The following MRPL15 variants were observed in gnomAD, a reference collection of about 807,000 sequenced individuals.
MRPL15 encodes the protein large ribosomal subunit protein uL15m.
MRPL15 carries 24 observed loss-of-function variants against 28.0 expected under a neutral mutation model. The ratio of observed to expected loss-of-function variants is 0.86; its 90% CI spans 0.62 to 1.21. MRPL15 has a LOEUF of 1.21. MRPL15 is among the 50% of genes most tolerant of loss of function. MRPL15 has a pLI of 0.00. For synonymous variants in MRPL15, 124 were observed against 137.0 expected, an observed-to-expected ratio of 0.90 and a Z score of 0.66; for missense variants, 343 against 372.4, an observed-to-expected ratio of 0.92 and a Z score of 0.65.
chr8:54,137,186 AAC>A (rs1810838700), intron 2 of MRPL15, 80 bp from the exon 3 acceptor site: 3 of 1,385,802 alleles, frequency 2.2e-6, no homozygotes, highest in South Asian at 2.7e-5. Context: ...GGTGGAGGAA[AAC>A]ACAAGACAAA....
intron 3 of MRPL15, among the ~76,000 whole-genome samples, chr8:54,140,551 G>A (rs1027166090): frequency 1.4e-5 from 2 of 145,434 alleles, no homozygotes; most frequent in African/African-American, 2.5e-5. Context: ...CACCGCACCC[G>A]GCCTAGAACT....
At chr8:54,141,976 G>C (rs1008116094) in intron 3 of MRPL15, among the ~76,000 whole-genome samples, 1 of 148,456 alleles carries the variant, frequency 6.7e-6, no homozygotes, top group East Asian at 2.0e-4. Flanking sequence ...CCTCAGCCTC[G>C]AAATAGCTGG....
Position 54,147,540 on chromosome 8 carries a change from A to G in MRPL15, c.712A>G (p.Arg238Gly), listed in dbSNP as rs1301815412. 8 of 1,614,086 alleles carry G rather than the reference A, an allele frequency of 5.0e-6. 1 individual carries two copies. The African/African-American group carries it at 5.3e-5, about 11-fold the overall frequency. Residue 238 changes from arginine to glycine, a missense_variant, in exon 5 of 5, where the codon AGG becomes GGG. Arg to Gly is a moderately radical substitution (Grantham distance 125). Transcript: ENST00000260102. ...KFPEARLELA[R>G]KYGYILPDIT... ...TCCTGAAGCACGACTTGAACTCGCC[A>G]GGAAGTATGGTTATATCTTACCTGA...
rs760185705 is a variant in MRPL15 at position 54,142,750 on chromosome 8, G to T, written c.517G>T (p.Val173Phe). 3.7e-6 allele frequency: 6 copies of T among 1,614,002 alleles called. No individual in the cohort carries two copies. Among genetic ancestry groups the T allele is most frequent in the Admixed American group, 3.3e-5 (2 of 59,978 alleles). Residue 173 changes from valine (V) to phenylalanine (F), a missense_variant, in exon 4 of 5, where the codon GTT becomes TTT. Transcript: ENST00000260102. ...AIAAIEKNGG[V>F]VTTAFYDPRS... Reference sequence around the variant, plus strand: ...TGCTGCCATTGAAAAAAATGGTGGTGTTGTTACTACAGCCTTCTATGATCC... The same window carrying T: ...TGCTGCCATTGAAAAAAATGGTGGTTTTGTTACTACAGCCTTCTATGATCC...
At chr8:54,136,459 C>A (rs967276283) in intron 1 of MRPL15, 52 bp from the exon 2 acceptor site, 1 of 1,570,954 alleles carries the variant, frequency 6.4e-7, no homozygotes, top group Non-Finnish European at 8.7e-7. Flanking sequence ...AGCTGAAATG[C>A]AGTTTTTAGA....
chr8:54,138,679 T>A (rs548201832), intron 3 of MRPL15, among the ~76,000 whole-genome samples: 6 of 152,204 alleles, frequency 3.9e-5, no homozygotes, highest in African/African-American at 1.2e-4. Context: ...GGAGTCACAG[T>A]GTTTCCTTTA....
At chr8:54,137,546 TC>T in intron 3 of MRPL15, 113 bp downstream of exon 3, 2 of 927,376 alleles carry the variant, frequency 2.2e-6, no homozygotes, top group Non-Finnish European at 3.2e-6. Context: ...TCCTGCAACC[TC>T]CACCTCACAA....
chr8:54,142,591 A>G lies in MRPL15; in HGVS notation c.430-72A>G, dbSNP rs1460505796. 8 of 1,555,370 alleles carry G rather than the reference A, an allele frequency of 5.1e-6. No individual in the cohort carries two copies. In the African/African-American group the frequency reaches 1.1e-4, roughly 21 times the overall value. On this transcript the variant is annotated intron_variant, in intron 3 of 4. Transcript: ENST00000260102. ...CTTTGGAGGGAAAAACACTGTCTAA[A>G]AAGGAAGCTTGACATAATTAATTTA...
At chr8:54,136,207 G>C (rs981287368) in intron 1 of MRPL15, among the ~76,000 whole-genome samples, 4 of 152,188 alleles carry the variant, frequency 2.6e-5, no homozygotes, top group Non-Finnish European at 5.9e-5. Flanking sequence ...AAAATGTTGT[G>C]AATATTTAAT....
rs1417353829 is a variant in MRPL15 at position 54,135,323 on chromosome 8, G to T, written c.40G>T (p.Asp14Tyr). Residue 14 changes from aspartate to tyrosine, a missense_variant, in exon 1 of 5, where the codon GAC (aspartate) becomes TAC (tyrosine). Coordinates refer to ENST00000260102, the MANE Select transcript of MRPL15 (RefSeq NM_014175.4). Reference sequence around the variant, plus strand: ...GCAGGGCGGTGGGGCCCGGGCCCTGGACCTACTCCGGGGCCTGCCGCGTGT... The same window carrying T: ...GCAGGGCGGTGGGGCCCGGGCCCTGTACCTACTCCGGGGCCTGCCGCGTGT... ...PLQGGGARAL[D>Y]LLRGLPRVSL... 3.4e-6 allele frequency: 5 copies of T among 1,480,248 alleles called. No individual in the cohort carries two copies. Among genetic ancestry groups the T allele is most frequent in the African/African-American group, 1.5e-5 (1 of 68,484 alleles). The allele number at this position is 1,480,248 out of a possible 1,614,324, so 91.7% of individuals were successfully genotyped here.
rs1458686259 is a variant in MRPL15, at chr8:54,136,516, A to G, written c.114A>G (p.Arg38=). ...ATTCTTTTTTTTCCTTGCAGGAGAG[A>G]AGACCAAGAGGTCGGAGAAGAGGTA... ...KPNPGSKKPE[R]RPRGRRRGRK... The change falls in exon 2 of 5, where the codon AGA becomes AGG. Residue 38 remains arginine, a synonymous_variant. Coordinates refer to ENST00000260102, the MANE Select transcript of MRPL15 (RefSeq NM_014175.4). 6.2e-7 allele frequency: 1 copy of G among 1,608,044 alleles called. No homozygotes were observed. The highest frequency in any genetic ancestry group is 8.5e-7 in the Non-Finnish European group (1 of 1,178,246).
At chr8:54,145,341 A>G (rs182054753) in intron 4 of MRPL15, among the ~76,000 whole-genome samples, 182 of 152,190 alleles carry the variant, frequency 1.2e-3, no homozygotes, top group Admixed American at 3.2e-3. Context: ...CAGCCTCATG[A>G]GTAGCTGGGA....
In MRPL15 at chr8:54,142,721, C is replaced by T; in HGVS notation, c.488C>T (p.Ala163Val). Residue 163 changes from alanine (A) to valine (V), a missense_variant, in exon 4 of 5, where the codon GCT becomes GTT. Ala to Val is a moderately conservative substitution (Grantham distance 64). Coordinates refer to ENST00000260102, the MANE Select transcript of MRPL15 (RefSeq NM_014175.4). The part of the protein sequence containing the change: ...NIEVQLASEL[A>V]IAAIEKNGGV... Reference sequence around the variant, plus strand: ...GAAGTACAGTTGGCTTCAGAACTAGCTATTGCTGCCATTGAAAAAAATGGT... The same window carrying T: ...GAAGTACAGTTGGCTTCAGAACTAGTTATTGCTGCCATTGAAAAAAATGGT... 1 of 1,614,050 alleles carries T rather than the reference C, an allele frequency of 6.2e-7. No homozygotes were observed. The highest frequency in any genetic ancestry group is 8.5e-7 in the Non-Finnish European group (1 of 1,179,912).
intron 3 of MRPL15, among the ~76,000 whole-genome samples, chr8:54,138,234 G>A (rs1365638198): frequency 2.0e-5 from 3 of 149,926 alleles, no homozygotes; most frequent in Non-Finnish European, 3.0e-5. Flanking sequence ...GATTACAGGC[G>A]TGAGCCACCG....
intron 4 of MRPL15, among the ~76,000 whole-genome samples, chr8:54,143,698 G>A (rs1460583782): frequency 6.6e-6 from 1 of 152,162 alleles, no homozygotes; most frequent in Non-Finnish European, 1.5e-5. Context: ...ACCTGCAGTG[G>A]TGTCCGTGCT....
In MRPL15 at chr8:54,147,487, G is replaced by A. The variant is rs767503797; in HGVS notation, c.659G>A (p.Arg220His). ...LVPYYTDAKN[R>H]GYLADPAKFP... ...CCATATTACACTGATGCAAAGAACCGTGGGTACCTGGCGGATCCTGCCAAA... is the reference window on the plus strand; with the variant it reads ...CCATATTACACTGATGCAAAGAACCATGGGTACCTGGCGGATCCTGCCAAA... Residue 220 changes from arginine to histidine, a missense_variant, in exon 5 of 5, where the codon CGT (arginine) becomes CAT (histidine). Coordinates refer to ENST00000260102, the MANE Select transcript of MRPL15 (RefSeq NM_014175.4). 26 of 1,614,012 alleles carry A rather than the reference G, an allele frequency of 1.6e-5. No individual in the cohort carries two copies. Among genetic ancestry groups the A allele is most frequent in the Non-Finnish European group, 1.9e-5 (23 of 1,180,038 alleles).
intron 1 of MRPL15, among the ~76,000 whole-genome samples, 161 bp downstream of exon 1, chr8:54,135,552 T>G (rs547293770): frequency 6.7e-6 from 1 of 148,336 alleles, no homozygotes; most frequent in East Asian, 2.0e-4. Flanking sequence ...AGGGGAATCT[T>G]TCCACGTGCA....
chr8:54,145,496 T>TC (rs1285940227), intron 4 of MRPL15, among the ~76,000 whole-genome samples: 1 of 151,890 alleles, frequency 6.6e-6, no homozygotes, highest in Admixed American at 6.6e-5. Context: ...TTTTTTTTTT[T>TC]CTTTTCATTT....
Position 54,137,330 on chromosome 8 carries a change from G to C in MRPL15, c.326G>C (p.Arg109Pro). 1.9e-6 allele frequency: 3 copies of C among 1,614,038 alleles called. No homozygotes were observed. Among genetic ancestry groups the C allele is most frequent in the Non-Finnish European group, 2.5e-6 (3 of 1,179,982 alleles). Residue 109 changes from arginine (R) to proline (P), a missense_variant, in exon 3 of 5, where the codon CGT becomes CCT. Arg to Pro is a moderately radical substitution (Grantham distance 103). Coordinates refer to ENST00000260102, the MANE Select transcript of MRPL15 (RefSeq NM_014175.4). Reference sequence around the variant, plus strand: ...CTGCAGTATCTTATTGATTTGGGTCGTGTTGATCCTAGTCAACCTATTGAC... The same window carrying C: ...CTGCAGTATCTTATTGATTTGGGTCCTGTTGATCCTAGTCAACCTATTGAC... ...NRLQYLIDLG[R>P]VDPSQPIDLT... is the part of the protein sequence containing the mutation.
Sources: allele counts gnomAD v4.1 joint callset (sites outside exome capture counted in the v4.1 genomes callset), GRCh38; gene constraint gnomAD v4.1.1; transcripts MANE v1.5; gene names NCBI Gene and HGNC (gene_info 2026-07-23, HGNC 2026-07-21).